The following RHOG variants were observed in gnomAD, a reference collection of about 807,000 sequenced individuals.
RHOG encodes ras homolog family member G, also known as rho-related GTP-binding protein RhoG.
Under a neutral mutation model 12.3 loss-of-function variants are expected in RHOG, and 1 was observed. The ratio of observed to expected loss-of-function variants is 0.08; its 90% CI spans 0.03 to 0.39. RHOG has a LOEUF of 0.39. RHOG is among the 10% of genes least tolerant of loss of function. The pLI, the probability that RHOG is intolerant of heterozygous loss-of-function variation, is 0.99. For missense variants in RHOG, 114 were observed against 266.2 expected (o/e 0.43, Z 3.98); for synonymous variants, 129 against 116.0 (o/e 1.11, Z -0.72).
Position 3,827,408 on chromosome 11 carries a change from TAAG to T in RHOG, c.*152_*154del, listed in dbSNP as rs2090085766. 3.1e-6 allele frequency: 2 copies of T among 636,802 alleles called. No homozygotes were observed. Among genetic ancestry groups the T allele is most frequent in the African/African-American group, 3.7e-5 (2 of 54,474 alleles). The allele number at this position is 636,802 out of a possible 1,614,324, so 39.4% of individuals were successfully genotyped here. On this transcript the variant is annotated 3_prime_UTR_variant, in exon 2 of 2. Transcript: ENST00000351018. The surrounding 1 kb of genome is among the most constrained non-coding windows in gnomAD (Gnocchi z 7.3). ...AAGCCCCTTTCTCTGCAGGCCTCCT[TAAG>T]GAGAAAAAGGCACTCAGAGAAAAAG...
chr11:3,837,572 A>T (rs149674997), intron 1 of RHOG, among the ~76,000 whole-genome samples: 1 of 152,196 alleles, frequency 6.6e-6, no homozygotes, highest in Non-Finnish European at 1.5e-5. Flanking sequence ...AGGTACTGAT[A>T]TGCAACTCCT....
rs576039821 is a variant in RHOG at position 3,828,246 on chromosome 11, C to T, written c.-68-40G>A. On this transcript the variant is annotated intron_variant, in intron 1 of 1. Coordinates refer to ENST00000351018, the MANE Select transcript of RHOG (RefSeq NM_001665.4). The stretch of plus-strand genomic sequence containing the variant: ...AAGGGGACATTCTTGGTTAGGGAGG[C>T]CTCTGCCTATTGGGAAGAAAAGATG... The T allele has an allele frequency of 4.9e-6, 5 of 1,027,006 alleles. No homozygotes were observed. In the East Asian group the frequency reaches 1.3e-4, roughly 27 times the overall value. The allele number at this position is 1,027,006 out of a possible 1,614,324, so 63.6% of individuals were successfully genotyped here.
chr11:3,828,121 G>A lies in RHOG; in HGVS notation c.18C>T (p.Cys6=), dbSNP rs141646821. The A allele has an allele frequency of 1.0e-4, 169 of 1,613,330 alleles. No individual in the cohort carries two copies. The highest frequency in any genetic ancestry group is 1.2e-4 in the Non-Finnish European group (142 of 1,179,406). Residue 6 remains cysteine, a synonymous_variant, in exon 2 of 2, where the codon TGC becomes TGT. Coordinates refer to ENST00000351018, the MANE Select transcript of RHOG (RefSeq NM_001665.4). MQSIK[C]VVVGDGAVGK... ...CCACAGCCCCATCACCCACCACCAC[G>A]CACTTGATGCTCTGCATCGTGGGTG...
intron 1 of RHOG, among the ~76,000 whole-genome samples, chr11:3,828,672 G>T (rs552151349): frequency 6.9e-6 from 1 of 144,250 alleles, no homozygotes; most frequent in East Asian, 2.0e-4. Context: ...CACCCAGGCT[G>T]GAGTGCAGTG....
rs561196419 is a variant in RHOG at position 3,836,994 on chromosome 11, C to T, written c.-69+3900G>A. 5.3e-5 allele frequency among the ~76,000 whole-genome samples: 8 copies of T among 151,796 alleles called. No homozygotes were observed. In the South Asian group the frequency reaches 6.2e-4, roughly 12 times the overall value. ...GCCAAGGAAGCTGCCCCCTCCCCCA[C>T]GCAGCACAGAGGAAGGGTGCACACT... On this transcript the variant is annotated intron_variant, in intron 1 of 1. Coordinates refer to ENST00000351018, the MANE Select transcript of RHOG (RefSeq NM_001665.4).
At chr11:3,829,770 G>A (rs973204302) in intron 1 of RHOG, among the ~76,000 whole-genome samples, 5 of 151,778 alleles carry the variant, frequency 3.3e-5, no homozygotes, top group Admixed American at 6.6e-5. Flanking sequence ...TTTTTGAGAC[G>A]GAGTCTTGCT....
intron 1 of RHOG, among the ~76,000 whole-genome samples, chr11:3,834,343 A>C (rs1015961972): frequency 1.3e-4 from 19 of 151,414 alleles, no homozygotes; most frequent in Admixed American, 2.6e-4. Flanking sequence ...ACTAAATGAC[A>C]AAAAAAAACC....
chr11:3,840,069 A>C lies in RHOG; in HGVS notation c.-69+825T>G, dbSNP rs1350946249. Among the ~76,000 whole-genome samples, 5 of 152,332 alleles carry C rather than the reference A, an allele frequency of 3.3e-5. No homozygotes were observed. In the East Asian group the frequency reaches 7.7e-4, roughly 23 times the overall value. ...GAGCATGTGTATAATTCAGGGACTA[A>C]GAATGAAGAGGAACACTAGGAGATG... is the stretch of plus-strand genomic sequence containing the variant. On this transcript the variant is annotated intron_variant, in intron 1 of 1. Coordinates refer to ENST00000351018, the MANE Select transcript of RHOG (RefSeq NM_001665.4).
rs112483411 is a variant in RHOG at position 3,839,602 on chromosome 11, A to AACACACACACACAC, written c.-69+1278_-69+1291dup. On this transcript the variant is annotated intron_variant, in intron 1 of 1. Transcript: ENST00000351018. ...ACACGCGCGTGCGAACACACACGCA[A>AACACACACACACAC]ACACACACACACACACACACACACA... Among the ~76,000 whole-genome samples, 429 of 141,686 alleles carry AACACACACACACAC rather than the reference A, an allele frequency of 3.0e-3. 4 individuals carry two copies. The highest frequency in any genetic ancestry group is 4.6e-3 in the Admixed American group (64 of 14,024). The allele number at this position is 141,686 out of a possible 152,430, so 93.0% of individuals were successfully genotyped here.
intron 1 of RHOG, among the ~76,000 whole-genome samples, chr11:3,834,455 C>T (rs947226624): frequency 7.9e-5 from 12 of 152,212 alleles, no homozygotes; most frequent in African/African-American, 2.9e-4. Flanking sequence ...CTCTGAAGCC[C>T]AGTATCGGAC....
intron 1 of RHOG, among the ~76,000 whole-genome samples, chr11:3,839,724 G>A (rs575214106): frequency 1.3e-5 from 2 of 152,242 alleles, no homozygotes; most frequent in African/African-American, 4.8e-5. Context: ...AACTCACTAA[G>A]TCTTCAACAA....
chr11:3,832,766 G>A (rs2090138098), intron 1 of RHOG, among the ~76,000 whole-genome samples: 1 of 152,226 alleles, frequency 6.6e-6, no homozygotes. Context: ...CATTTCAGGA[G>A]GGCATATAGA....
At chr11:3,838,321 A>G (rs2090168622) in intron 1 of RHOG, among the ~76,000 whole-genome samples, 1 of 152,132 alleles carries the variant, frequency 6.6e-6, no homozygotes, top group Non-Finnish European at 1.5e-5. Flanking sequence ...CAAACTTCCA[A>G]TGGGGCCAGA....
chr11:3,838,304 A>G (rs1565085170), intron 1 of RHOG, among the ~76,000 whole-genome samples: 1 of 152,176 alleles, frequency 6.6e-6, no homozygotes, highest in Non-Finnish European at 1.5e-5. Context: ...CTTTTTTGCA[A>G]TTAGCTCAAA....
chr11:3,827,421 G>A lies in RHOG; in HGVS notation c.*142C>T, dbSNP rs541211871. Reference sequence around the variant, plus strand: ...TGCAGGCCTCCTTAAGGAGAAAAAGGCACTCAGAGAAAAAGGCATTCAGGG... The same window carrying A: ...TGCAGGCCTCCTTAAGGAGAAAAAGACACTCAGAGAAAAAGGCATTCAGGG... On this transcript the variant is annotated 3_prime_UTR_variant, in exon 2 of 2. Coordinates refer to ENST00000351018, the MANE Select transcript of RHOG (RefSeq NM_001665.4). The surrounding 1 kb of genome is among the most constrained non-coding windows in gnomAD (Gnocchi z 7.3). 2.7e-4 allele frequency: 179 copies of A among 664,288 alleles called. 1 individual carries two copies. In the South Asian group the frequency reaches 3.3e-3, roughly 12 times the overall value. 41.1% of individuals were successfully genotyped at this position (664,288 alleles called of 1,614,324 possible).
intron 1 of RHOG, among the ~76,000 whole-genome samples, chr11:3,838,811 A>T (rs2090171152): frequency 6.6e-6 from 1 of 152,182 alleles, no homozygotes; most frequent in Admixed American, 6.5e-5. Flanking sequence ...AAGCTTGAGG[A>T]TGGAGCTCTA....
intron 1 of RHOG, among the ~76,000 whole-genome samples, chr11:3,831,203 T>G (rs1441825009): frequency 3.3e-5 from 5 of 151,950 alleles, no homozygotes; most frequent in Admixed American, 6.6e-5. Flanking sequence ...CAAAAATCAA[T>G]GACAAGTGGG....
intron 1 of RHOG, among the ~76,000 whole-genome samples, chr11:3,836,788 C>G (rs903150550): frequency 1.5e-4 from 23 of 151,064 alleles, no homozygotes; most frequent in African/African-American, 5.6e-4. Flanking sequence ...CGGTAGTCCC[C>G]GCTACCTGGG....
At chr11:3,834,670 G>A (rs1338496455) in intron 1 of RHOG, among the ~76,000 whole-genome samples, 1 of 152,222 alleles carries the variant, frequency 6.6e-6, no homozygotes, top group Admixed American at 6.5e-5. Flanking sequence ...AGTGGGGCCT[G>A]GCCTTGGGGT....
Sources: gnomAD v4.1 joint callset for allele counts (sites outside exome capture counted in the v4.1 genomes callset) on GRCh38, gnomAD v4.1.1 for gene constraint, Gnocchi (gnomAD v3.1) non-coding constraint, MANE v1.5 for transcripts, NCBI Gene and HGNC (gene_info 2026-07-23, HGNC 2026-07-21) for gene names.